Variants in HMCN1 observed in about 807,000 individuals in gnomAD.
HMCN1 encodes hemicentin 1.
A neutral mutation model predicts 625.9 loss-of-function variants in HMCN1; 321 were observed. That is an observed-to-expected ratio of 0.51 (90% CI 0.47 to 0.56). HMCN1 has a LOEUF of 0.56. HMCN1 is among the 20% of genes least tolerant of loss of function. HMCN1 has a pLI of 0.00. For synonymous variants in HMCN1, 2,425 were observed against 2,417.6 expected (o/e 1.00, Z -0.09); for missense variants, 6,588 against 6,887.3 (o/e 0.96, Z 1.54).
At position 185,846,054 on chromosome 1, in the gene HMCN1, T is replaced by A. The variant is rs1291402324; in HGVS notation, c.297T>A (p.Asp99Glu). ...PEIGPVTITT[D>E]PKKFQYELRE... ...TTGGCCCAGTGACAATTACCACAGATCCCAAGAAATTTCAATATGAACTCA... is the reference window on the plus strand; with the variant it reads ...TTGGCCCAGTGACAATTACCACAGAACCCAAGAAATTTCAATATGAACTCA... The change falls in exon 2 of 107, where the codon GAT becomes GAA. Residue 99 changes from aspartate to glutamate, a missense_variant. Transcript: ENST00000271588. 6.2e-7 allele frequency: 1 copy of A among 1,612,372 alleles called. No homozygotes were observed. The highest frequency in any genetic ancestry group is 1.3e-5 in the African/African-American group (1 of 74,900).
At position 186,130,654 on chromosome 1, in the gene HMCN1, T is replaced by C. The variant is rs765670708; in HGVS notation, c.13187T>C (p.Ile4396Thr). 1.2e-6 allele frequency: 2 copies of C among 1,613,346 alleles called. No individual in the cohort carries two copies. The highest frequency in any genetic ancestry group is 1.1e-5 in the South Asian group (1 of 91,070). ...KGVDIEISHRIRQLGNGSLAI... is the reference protein window; with the variant it reads ...KGVDIEISHRTRQLGNGSLAI... ...GTGGATATTGAAATTAGCCACAGAA[T>C]CCGGCAACTGGGCAATGGCTCCCTG... is the stretch of plus-strand genomic sequence containing the variant. The change falls in exon 85 of 107, where the codon ATC becomes ACC. Residue 4396 changes from isoleucine to threonine, a missense_variant. By Grantham distance (89) the Ile-to-Thr change is moderately conservative. This residue lies in a region of HMCN1 where 1,954 missense variants were observed against 2,013.1 expected (regional missense o/e 0.97). Transcript: ENST00000271588.
At chr1:186,064,104 T>C (rs1657954271) in intron 48 of HMCN1, among the ~76,000 whole-genome samples, 1 of 152,182 alleles carries the variant, frequency 6.6e-6, no homozygotes, top group Non-Finnish European at 1.5e-5. Flanking sequence ...ATATATACTA[T>C]TAACCTGTTA....
intron 89 of HMCN1, among the ~76,000 whole-genome samples, chr1:186,138,645 A>G (rs1649771236): frequency 6.6e-6 from 1 of 152,156 alleles, no homozygotes; most frequent in African/African-American, 2.4e-5. Flanking sequence ...ATGGCTGCTG[A>G]CAGCTACTGG....
chr1:185,934,588 G>A (rs1667720721), intron 11 of HMCN1, among the ~76,000 whole-genome samples: 1 of 152,116 alleles, frequency 6.6e-6, no homozygotes. Context: ...AGACCAGCAG[G>A]GAATCTTAAT....
chr1:186,135,988 A>G (rs1035902013), intron 86 of HMCN1, among the ~76,000 whole-genome samples: 2 of 152,170 alleles, frequency 1.3e-5, no homozygotes, highest in Non-Finnish European at 2.9e-5. Flanking sequence ...GTACATGTTT[A>G]TTGAATAAAT....
intron 11 of HMCN1, among the ~76,000 whole-genome samples, chr1:185,942,938 G>A (rs772420606): frequency 4.6e-5 from 7 of 151,714 alleles, no homozygotes; most frequent in South Asian, 4.2e-4. Flanking sequence ...TTTAATAATG[G>A]ATACTGCAAG....
chr1:186,094,762 A>G (rs577155300), intron 67 of HMCN1, among the ~76,000 whole-genome samples: 1 of 152,298 alleles, frequency 6.6e-6, no homozygotes, highest in South Asian at 2.1e-4. Flanking sequence ...ATGCGTATAT[A>G]TGGAGAGAAC....
intron 1 of HMCN1, among the ~76,000 whole-genome samples, chr1:185,758,952 A>T (rs1028239493): frequency 6.6e-6 from 1 of 152,192 alleles, no homozygotes; most frequent in Non-Finnish European, 1.5e-5. Context: ...AAACCTGGGT[A>T]TGCCTGCTAA....
intron 6 of HMCN1, among the ~76,000 whole-genome samples, chr1:185,916,379 T>TA (rs1450680050): frequency 6.6e-6 from 1 of 152,120 alleles, no homozygotes; most frequent in Non-Finnish European, 1.5e-5. Context: ...TTAACCTCTC[T>TA]AAGTCTGAGG....
intron 1 of HMCN1, among the ~76,000 whole-genome samples, chr1:185,749,373 C>T (rs545723308): frequency 6.6e-6 from 1 of 152,078 alleles, no homozygotes; most frequent in Non-Finnish European, 1.5e-5. Flanking sequence ...TGGGAAGTTT[C>T]AACATTAAAT....
chr1:186,171,317 A>C lies in HMCN1; in HGVS notation c.15575-20A>C, dbSNP rs1652217939. 3 of 1,551,628 alleles carry C rather than the reference A, an allele frequency of 1.9e-6. No homozygotes were observed. The highest frequency in any genetic ancestry group is 1.4e-5 in the African/African-American group (1 of 73,644). ...AGGTTTCCTAATAGCATATAATGAAAGTTTTGTTTTATTTAACAGATATTA... is the reference window on the plus strand; with the variant it reads ...AGGTTTCCTAATAGCATATAATGAACGTTTTGTTTTATTTAACAGATATTA... On this transcript the variant is annotated intron_variant, in intron 100 of 106. Transcript: ENST00000271588.
At chr1:185,882,725 A>G (rs573736744) in intron 4 of HMCN1, among the ~76,000 whole-genome samples, 8 of 152,144 alleles carry the variant, frequency 5.3e-5, no homozygotes, top group Middle Eastern at 3.2e-3. Flanking sequence ...ATCTGATGCC[A>G]TCACCTTGGG....
chr1:186,178,294 G>A (rs957650119), intron 103 of HMCN1, 122 bp from the exon 104 acceptor site: 4 of 732,560 alleles, frequency 5.5e-6, no homozygotes, highest in Non-Finnish European at 9.6e-6. Context: ...ATTACTGTAT[G>A]CCTGGCTTTG....
At chr1:185,839,723 A>G (rs1229072769) in intron 1 of HMCN1, among the ~76,000 whole-genome samples, 1 of 152,220 alleles carries the variant, frequency 6.6e-6, no homozygotes, top group African/African-American at 2.4e-5. Flanking sequence ...ATATCTGTGT[A>G]ACATTGCTGA....
intron 97 of HMCN1, among the ~76,000 whole-genome samples, chr1:186,164,104 G>T (rs1424439438): frequency 6.6e-6 from 1 of 152,140 alleles, no homozygotes; most frequent in African/African-American, 2.4e-5. Flanking sequence ...TTAGCAATAT[G>T]CCCTAGATGT....
intron 95 of HMCN1, among the ~76,000 whole-genome samples, chr1:186,152,113 A>G (rs566618344): frequency 6.6e-6 from 1 of 152,364 alleles, no homozygotes; most frequent in South Asian, 2.1e-4. Flanking sequence ...AGGATACTTT[A>G]TAGCAGTTCT....
At chr1:185,959,446 A>G (rs2102551316) in intron 11 of HMCN1, among the ~76,000 whole-genome samples, 1 of 152,274 alleles carries the variant, frequency 6.6e-6, no homozygotes, top group South Asian at 2.1e-4. Flanking sequence ...TTAAAGTAGT[A>G]TTGGTTTTTA....
At position 186,093,583 on chromosome 1, in the gene HMCN1, T is replaced by G. The variant is rs1161056298; in HGVS notation, c.10110T>G (p.Pro3370=). ...INIECRATGT[P]PPQINWLKNG... ...TTGAATGCAGAGCCACAGGGACGCC[T>G]CCACCACAGATAAACTGGCTGAAGA... The change falls in exon 66 of 107, where the codon CCT becomes CCG. Residue 3370 remains proline, a synonymous_variant. Transcript: ENST00000271588. 6.2e-7 allele frequency: 1 copy of G among 1,613,480 alleles called. No individual in the cohort carries two copies. Among genetic ancestry groups the G allele is most frequent in the Admixed American group, 1.7e-5 (1 of 59,888 alleles).
chr1:185,803,518 T>A (rs1658962582), intron 1 of HMCN1, among the ~76,000 whole-genome samples: 1 of 152,032 alleles, frequency 6.6e-6, no homozygotes, highest in Admixed American at 6.6e-5. Flanking sequence ...CAAAACGATT[T>A]GTGGTGAGGG....
Sources: gnomAD v4.1 joint callset for allele counts (sites outside exome capture counted in the v4.1 genomes callset) on GRCh38, gnomAD v4.1.1 for gene constraint, gnomAD v4.1.1 regional missense constraint, MANE v1.5 for transcripts, NCBI Gene and HGNC (gene_info 2026-07-23, HGNC 2026-07-21) for gene names.